The following TPCN1 variants were observed in gnomAD, a reference collection of about 807,000 sequenced individuals.
The protein encoded by TPCN1 is two pore segment channel 1, also known as two pore channel protein 1.
A neutral mutation model predicts 108.8 loss-of-function variants in TPCN1; 52 were observed. The observed-to-expected ratio is 0.48, with a 90% CI of 0.38 to 0.60. The LOEUF is 0.60. TPCN1 is among the 20% of genes least tolerant of loss of function. The pLI, the probability that TPCN1 is intolerant of heterozygous loss-of-function variation, is 0.00. For synonymous variants in TPCN1, 446 were observed against 433.7 expected, an observed-to-expected ratio of 1.03 and a Z score of -0.35; for missense variants, 806 against 1,072.8, an observed-to-expected ratio of 0.75 and a Z score of 3.47.
intron 2 of TPCN1, among the ~76,000 whole-genome samples, chr12:113,237,536 T>G (rs989043806): frequency 1.3e-5 from 2 of 152,106 alleles, no homozygotes; most frequent in Non-Finnish European, 2.9e-5. Context: ...TTTTTGTATT[T>G]TTAGTAGAGA....
Position 113,288,256 on chromosome 12 carries a change from G to A in TPCN1, c.1706+22G>A. ...CCAGGTACTGCCAGCCCCCACCCTGGCCTGCAGGTCCAGGTGCCGTGTGGC... is the reference window on the plus strand; with the variant it reads ...CCAGGTACTGCCAGCCCCCACCCTGACCTGCAGGTCCAGGTGCCGTGTGGC... On this transcript the variant is annotated intron_variant, in intron 20 of 27. Coordinates refer to ENST00000335509, the MANE Select transcript of TPCN1 (RefSeq NM_017901.6). This position sits in a 1 kb window ranked among gnomAD's most constrained non-coding sequence, Gnocchi z 4.8. The A allele has an allele frequency of 6.2e-7, 1 of 1,613,424 alleles. No individual in the cohort carries two copies. The highest frequency in any genetic ancestry group is 8.5e-7 in the Non-Finnish European group (1 of 1,179,846).
intron 2 of TPCN1, among the ~76,000 whole-genome samples, chr12:113,235,224 A>G (rs1953839051): frequency 6.6e-6 from 1 of 152,228 alleles, no homozygotes; most frequent in Non-Finnish European, 1.5e-5. Context: ...GGCCAGGCAA[A>G]GGGAGATTTG....
rs1252043535 is a variant in TPCN1 at position 113,266,388 on chromosome 12, G to T, written c.414+32G>T. 1.9e-6 allele frequency: 3 copies of T among 1,596,254 alleles called. No homozygotes were observed. On this transcript the variant is annotated intron_variant, in intron 4 of 27. Transcript: ENST00000335509. The surrounding 1 kb of genome is among the most constrained non-coding windows in gnomAD (Gnocchi z 4.2). Reference sequence around the variant, plus strand: ...GCACATGCTCCTCATACGGGGGGCTGGGAGCCACGGCTTTCAGGGCAAGCG... The same window carrying T: ...GCACATGCTCCTCATACGGGGGGCTTGGAGCCACGGCTTTCAGGGCAAGCG...
chr12:113,242,628 C>G (rs777647384), intron 2 of TPCN1, among the ~76,000 whole-genome samples: 2 of 152,214 alleles, frequency 1.3e-5, no homozygotes, highest in Admixed American at 6.5e-5. Flanking sequence ...CTGCGTCATC[C>G]TGGTCACTGG....
intron 27 of TPCN1, among the ~76,000 whole-genome samples, chr12:113,294,455 TG>T (rs925153072): frequency 1.1e-4 from 16 of 152,196 alleles, no homozygotes; most frequent in Admixed American, 9.2e-4. Context: ...GGTGAAACCC[TG>T]TCTCTACTAA....
At chr12:113,226,603 A>G (rs1446003007) in intron 1 of TPCN1, 125 bp from the exon 2 acceptor site, 1 of 810,392 alleles carries the variant, frequency 1.2e-6, no homozygotes, top group African/African-American at 1.7e-5. Flanking sequence ...TTTAAAGAGT[A>G]TACTTGAGTG....
chr12:113,288,674 C>G lies in TPCN1; in HGVS notation c.1707-84C>G. The G allele has an allele frequency of 6.3e-7, 1 of 1,579,238 alleles. No homozygotes were observed. Among genetic ancestry groups the G allele is most frequent in the East Asian group, 2.2e-5 (1 of 44,604 alleles). On this transcript the variant is annotated intron_variant, in intron 20 of 27. Coordinates refer to ENST00000335509, the MANE Select transcript of TPCN1 (RefSeq NM_017901.6). This position sits in a 1 kb window ranked among gnomAD's most constrained non-coding sequence, Gnocchi z 4.8. ...CCAGGGGCATGGCCCTGCAGTCAGC[C>G]CCACGGGTCCGAGGAGGCCGGGGCT...
intron 27 of TPCN1, 21 bp downstream of exon 27, chr12:113,293,370 G>A (rs369266422): frequency 6.5e-5 from 104 of 1,610,838 alleles, no homozygotes; most frequent in Non-Finnish European, 8.2e-5. Flanking sequence ...GGCCGACCAC[G>A]CTGCGAATCC....
chr12:113,284,402 A>G lies in TPCN1; in HGVS notation c.1343-179A>G, dbSNP rs1319340902. ...TCTAGGTGAAAACACTGGTTGATTT[A>G]GCTCCCTTGGTAAGAGCACTGAGCA... On this transcript the variant is annotated intron_variant, in intron 15 of 27. Transcript: ENST00000335509. The surrounding 1 kb of genome is among the most constrained non-coding windows in gnomAD (Gnocchi z 4.1). Among the ~76,000 whole-genome samples, 1 of 152,200 alleles carries G rather than the reference A, an allele frequency of 6.6e-6. No individual in the cohort carries two copies. The highest frequency in any genetic ancestry group is 1.5e-5 in the Non-Finnish European group (1 of 68,026).
At position 113,289,386 on chromosome 12, in the gene TPCN1, C is replaced by CA. The variant is rs1207041498; in HGVS notation, c.1796+541dup. Reference sequence around the variant, plus strand: ...CTCTTACATTTGGTCTTTACAGCCTCAAGCACCGATGAAGAAACAGTTTTA... The same window carrying CA: ...CTCTTACATTTGGTCTTTACAGCCTCAAAGCACCGATGAAGAAACAGTTTTA... On this transcript the variant is annotated intron_variant, in intron 21 of 27. Coordinates refer to ENST00000335509, the MANE Select transcript of TPCN1 (RefSeq NM_017901.6). The surrounding 1 kb of genome is among the most constrained non-coding windows in gnomAD (Gnocchi z 4.1). 9.2e-5 allele frequency among the ~76,000 whole-genome samples: 14 copies of CA among 152,230 alleles called. 1 individual carries two copies. The highest frequency in any genetic ancestry group is 3.4e-4 in the African/African-American group (14 of 41,458).
intron 2 of TPCN1, among the ~76,000 whole-genome samples, chr12:113,256,718 G>C (rs189958982): frequency 6.6e-6 from 1 of 152,034 alleles, no homozygotes; most frequent in African/African-American, 2.4e-5. Context: ...TTTTTTTGTA[G>C]AGACAAGATC....
intron 1 of TPCN1, chr12:113,225,457 AC>A (rs533888624): frequency 5.2e-5 from 14 of 269,052 alleles, no homozygotes; most frequent in African/African-American, 3.0e-4. Flanking sequence ...AGACAGAATT[AC>A]CCTTAACTTT....
At chr12:113,291,064 C>A in intron 23 of TPCN1, 66 bp downstream of exon 23, 2 of 1,434,594 alleles carry the variant, frequency 1.4e-6, no homozygotes, top group Non-Finnish European at 9.8e-7. Context: ...GGGTCTCCCC[C>A]AACCCAGAGT....
intron 2 of TPCN1, among the ~76,000 whole-genome samples, chr12:113,254,676 T>C (rs1335370573): frequency 6.6e-6 from 1 of 152,348 alleles, no homozygotes; most frequent in South Asian, 2.1e-4. Context: ...TGGTTGAGTA[T>C]TTCTAACCTG....
At chr12:113,290,282 A>AC in intron 22 of TPCN1, 39 bp downstream of exon 22, 1 of 1,406,618 alleles carries the variant, frequency 7.1e-7, no homozygotes, top group Non-Finnish European at 9.9e-7. Context: ...TTCCCTGGGG[A>AC]CCCCACCCTT....
At chr12:113,235,941 G>A (rs1050812755) in intron 2 of TPCN1, among the ~76,000 whole-genome samples, 5 of 152,174 alleles carry the variant, frequency 3.3e-5, no homozygotes, top group Admixed American at 1.3e-4. Context: ...GGGGAGGAAA[G>A]GTATACATGT....
Position 113,231,910 on chromosome 12 carries a change from C to T in TPCN1, c.112+4946C>T, listed in dbSNP as rs80148462. 4.7e-3 allele frequency among the ~76,000 whole-genome samples: 712 copies of T among 152,318 alleles called. 9 individuals carry two copies. Among genetic ancestry groups the T allele is most frequent in the African/African-American group, 0.016 (648 of 41,566 alleles). Reference sequence around the variant, plus strand: ...ACAGACCACAGTCCACACCGCGTGACAGGCGGTGGTCTCACCCACCACATT... The same window carrying T: ...ACAGACCACAGTCCACACCGCGTGATAGGCGGTGGTCTCACCCACCACATT... On this transcript the variant is annotated intron_variant, in intron 2 of 27. Transcript: ENST00000335509. This position sits in a 1 kb window ranked among gnomAD's most constrained non-coding sequence, Gnocchi z 4.3.
chr12:113,273,119 A>C lies in TPCN1; in HGVS notation c.784-113A>C. The stretch of plus-strand genomic sequence containing the variant: ...CTCTGCCTCCCTCAGGGATTCCTTG[A>C]GAGATGCAAGAGCGGTCAAGGCAGG... On this transcript the variant is annotated intron_variant, in intron 8 of 27. Coordinates refer to ENST00000335509, the MANE Select transcript of TPCN1 (RefSeq NM_017901.6). The surrounding 1 kb of genome is among the most constrained non-coding windows in gnomAD (Gnocchi z 4.0). 1.1e-6 allele frequency: 1 copy of C among 908,490 alleles called. No homozygotes were observed. Among genetic ancestry groups the C allele is most frequent in the Non-Finnish European group, 1.8e-6 (1 of 543,712 alleles). The allele number at this position is 908,490 out of a possible 1,614,324, so 56.3% of individuals were successfully genotyped here.
At chr12:113,245,319 T>A (rs1456530171) in intron 2 of TPCN1, among the ~76,000 whole-genome samples, 3 of 120,078 alleles carry the variant, frequency 2.5e-5, no homozygotes, top group African/African-American at 3.5e-5. Flanking sequence ...AAAAGGGGGC[T>A]GGGCGCGGTG....
Sources: gnomAD v4.1 joint callset for allele counts (sites outside exome capture counted in the v4.1 genomes callset) on GRCh38, gnomAD v4.1.1 for gene constraint, Gnocchi (gnomAD v3.1) non-coding constraint, MANE v1.5 for transcripts, NCBI Gene and HGNC (gene_info 2026-07-23, HGNC 2026-07-21) for gene names.